The following CSMD1 variants were observed in gnomAD, a reference collection of about 807,000 sequenced individuals.
CSMD1 encodes the protein CUB and Sushi multiple domains 1.
A neutral mutation model predicts 417.5 loss-of-function variants in CSMD1; 213 were observed. The observed-to-expected ratio is 0.51, with a 90% confidence interval of 0.46 to 0.57. CSMD1 has a LOEUF of 0.57. Ranked by LOEUF, CSMD1 falls within the 20% of genes least tolerant of loss-of-function variation. The pLI is 0.00. For missense variants in CSMD1, 6,923 were observed against 4,529.7 expected (o/e 1.53, Z -15.17); for synonymous variants, 2,862 against 1,736.8 (o/e 1.65, Z -16.11).
intron 1 of CSMD1, among the ~76,000 whole-genome samples, chr8:4,822,008 T>G (rs188483950): frequency 6.6e-6 from 1 of 152,312 alleles, no homozygotes; most frequent in Admixed American, 6.5e-5. Flanking sequence ...CAATGACTTC[T>G]GATGTCATCA....
chr8:3,759,577 A>G (rs926661053), intron 5 of CSMD1, among the ~76,000 whole-genome samples: 11 of 152,124 alleles, frequency 7.2e-5, no homozygotes, highest in African/African-American at 2.7e-4. Flanking sequence ...AACAGAGACA[A>G]GATTCAAAGT....
intron 10 of CSMD1, among the ~76,000 whole-genome samples, chr8:3,518,278 AAG>A (rs933748600): frequency 6.6e-6 from 1 of 152,216 alleles, no homozygotes; most frequent in Non-Finnish European, 1.5e-5. Context: ...AAAATTATAT[AAG>A]AGAGAATTAT....
intron 12 of CSMD1, among the ~76,000 whole-genome samples, chr8:3,420,564 A>T (rs775436015): frequency 6.6e-6 from 1 of 151,748 alleles, no homozygotes; most frequent in Non-Finnish European, 1.5e-5. Flanking sequence ...AATGCTCTGT[A>T]CTATCTTTGC....
At chr8:4,773,867 G>C (rs1796716727) in intron 1 of CSMD1, among the ~76,000 whole-genome samples, 2 of 152,134 alleles carry the variant, frequency 1.3e-5, no homozygotes, top group South Asian at 4.1e-4. Flanking sequence ...AAACTCACCA[G>C]TGCCCAAACT....
intron 7 of CSMD1, among the ~76,000 whole-genome samples, chr8:3,625,334 T>C (rs1270998077): frequency 2.0e-5 from 3 of 152,216 alleles, no homozygotes; most frequent in African/African-American, 7.2e-5. Flanking sequence ...GATCTCCAAT[T>C]GGACGTGAAG....
intron 7 of CSMD1, among the ~76,000 whole-genome samples, chr8:3,706,438 A>G (rs1801174054): frequency 1.3e-5 from 2 of 152,274 alleles, no homozygotes; most frequent in African/African-American, 4.8e-5. Context: ...CTCATCTTAG[A>G]AGGCTCAAGG....
chr8:3,076,483 C>A (rs924287557), intron 49 of CSMD1, among the ~76,000 whole-genome samples: 1 of 110,004 alleles, frequency 9.1e-6, no homozygotes, highest in African/African-American at 4.1e-5. Context: ...CAACCCATGA[C>A]ACCAAGTAGC....
intron 5 of CSMD1, among the ~76,000 whole-genome samples, chr8:3,851,926 A>G (rs1177754539): frequency 6.6e-6 from 1 of 152,154 alleles, no homozygotes; most frequent in African/African-American, 2.4e-5. Context: ...TGGGGGCCTG[A>G]GCATTGAAGA....
At chr8:4,366,503 C>T (rs985096224) in intron 3 of CSMD1, among the ~76,000 whole-genome samples, 1 of 152,128 alleles carries the variant, frequency 6.6e-6, no homozygotes, top group Non-Finnish European at 1.5e-5. Flanking sequence ...TAAAACTCCA[C>T]AGTTTTCCAC....
At chr8:3,022,908 T>A (rs1051865952) in intron 51 of CSMD1, among the ~76,000 whole-genome samples, 1 of 152,312 alleles carries the variant, frequency 6.6e-6, no homozygotes, top group Middle Eastern at 3.4e-3. Flanking sequence ...ATAAGTCACA[T>A]AGGAAGCCTG....
chr8:4,757,124 T>C (rs1188723234), intron 1 of CSMD1, among the ~76,000 whole-genome samples: 1 of 152,204 alleles, frequency 6.6e-6, no homozygotes, highest in Non-Finnish European at 1.5e-5. Context: ...ATAAGTCACA[T>C]TAGTACTGAG....
intron 5 of CSMD1, among the ~76,000 whole-genome samples, chr8:3,788,639 CCT>C (rs1286687083): frequency 6.6e-6 from 1 of 152,080 alleles, no homozygotes; most frequent in Non-Finnish European, 1.5e-5. Context: ...TTACTTGAGC[CCT>C]CTGAGGTAGA....
At chr8:3,296,681 G>A (rs145056551) in intron 25 of CSMD1, among the ~76,000 whole-genome samples, 7 of 152,304 alleles carry the variant, frequency 4.6e-5, no homozygotes, top group East Asian at 3.9e-4. Flanking sequence ...TCCTGGATAC[G>A]TTTTGAAGGG....
intron 23 of CSMD1, among the ~76,000 whole-genome samples, chr8:3,334,191 A>G (rs1342608621): frequency 6.6e-6 from 1 of 152,198 alleles, no homozygotes; most frequent in Admixed American, 6.5e-5. Context: ...AGTCAATCCT[A>G]TAAAGAAAGC....
At chr8:3,069,794 AC>A (rs1172890477) in intron 49 of CSMD1, among the ~76,000 whole-genome samples, 5 of 152,014 alleles carry the variant, frequency 3.3e-5, no homozygotes, top group Admixed American at 6.5e-5. Context: ...TGGGGTTTCA[AC>A]CCCACATTTC....
chr8:3,224,243 A>C (rs1299042454), intron 27 of CSMD1, among the ~76,000 whole-genome samples: 1 of 152,238 alleles, frequency 6.6e-6, no homozygotes, highest in Non-Finnish European at 1.5e-5. Flanking sequence ...AATAAAAAAA[A>C]TCCCATGGAC....
At chr8:4,072,318 G>C (rs890567499) in intron 3 of CSMD1, among the ~76,000 whole-genome samples, 1 of 152,156 alleles carries the variant, frequency 6.6e-6, no homozygotes, top group South Asian at 2.1e-4. Context: ...CCTTCAAAAT[G>C]TATTTACTTC....
chr8:3,914,198 G>C (rs1005900310), intron 5 of CSMD1, among the ~76,000 whole-genome samples: 1 of 152,102 alleles, frequency 6.6e-6, no homozygotes, highest in African/African-American at 2.4e-5. Context: ...CCCCCAAAAA[G>C]AGGTAAGTAA....
At chr8:3,448,452 AG>A (rs1815474715) in intron 12 of CSMD1, among the ~76,000 whole-genome samples, 1 of 151,382 alleles carries the variant, frequency 6.6e-6, no homozygotes, top group African/African-American at 2.4e-5. Context: ...ATGACTGTGG[AG>A]GAGCAAAGAA....
Sources: gnomAD v4.1 joint callset for allele counts (sites outside exome capture counted in the v4.1 genomes callset) on GRCh38, gnomAD v4.1.1 for gene constraint, MANE v1.5 for transcripts, NCBI Gene and HGNC (gene_info 2026-07-23, HGNC 2026-07-21) for gene names.